Variants in GSG1L observed in about 807,000 individuals in gnomAD.
GSG1L encodes the protein GSG1 like.
In GSG1L, 24 loss-of-function variants were observed where a neutral mutation model predicts 42.1. That is an observed-to-expected ratio of 0.57 (90% CI 0.41 to 0.80). GSG1L has a LOEUF of 0.80. GSG1L is among the 30% of genes least tolerant of loss of function. The pLI, the probability that GSG1L is intolerant of heterozygous loss-of-function variation, is 0.00. For synonymous variants in GSG1L, 215 were observed against 203.5 expected (o/e 1.06, Z -0.48); for missense variants, 445 against 472.2 (o/e 0.94, Z 0.53).
intron 1 of GSG1L, among the ~76,000 whole-genome samples, chr16:28,039,603 G>GCA (rs34252812): frequency 0.27 from 41,089 of 150,876 alleles, 5,962 homozygotes; most frequent in South Asian, 0.49. Context: ...ACCCACACTT[G>GCA]CACACACACA....
Position 28,040,128 on chromosome 16 carries a change from C to T in GSG1L, c.349+22948G>A, listed in dbSNP as rs912302710. ...CCGTCACCCTTCTCCACACCCATCA[C>T]CATGGCCCTAGCTGCCATCGTCTCC... On this transcript the variant is annotated intron_variant, in intron 1 of 6. Coordinates refer to ENST00000447459, the MANE Select transcript of GSG1L (RefSeq NM_001109763.2). This position sits in a 1 kb window ranked among gnomAD's most constrained non-coding sequence, Gnocchi z 4.1. 2.0e-5 allele frequency among the ~76,000 whole-genome samples: 3 copies of T among 152,148 alleles called. No individual in the cohort carries two copies. Among genetic ancestry groups the T allele is most frequent in the African/African-American group, 7.2e-5 (3 of 41,402 alleles).
intron 2 of GSG1L, among the ~76,000 whole-genome samples, chr16:27,960,693 G>C (rs1345943746): frequency 2.0e-5 from 3 of 152,150 alleles, no homozygotes; most frequent in Non-Finnish European, 4.4e-5. Context: ...GTGTCTACTG[G>C]AAGGGCTGGG....
chr16:27,999,531 T>C (rs1596687671), intron 1 of GSG1L, among the ~76,000 whole-genome samples: 1 of 152,218 alleles, frequency 6.6e-6, no homozygotes, highest in African/African-American at 2.4e-5. Context: ...TGGCCCATCA[T>C]GGGAACTCTA....
chr16:27,791,476 A>G lies in GSG1L; in HGVS notation c.899-9T>C. 6.8e-7 allele frequency: 1 copy of G among 1,467,094 alleles called. No individual in the cohort carries two copies. The allele number at this position is 1,467,094 out of a possible 1,614,324, so 90.9% of individuals were successfully genotyped here. A position where few individuals can be genotyped will look rare whatever the true frequency, so the allele number is the denominator to read the frequency against. On this transcript the variant is annotated splice_polypyrimidine_tract_variant and intron_variant, in intron 6 of 6. Coordinates refer to ENST00000447459, the MANE Select transcript of GSG1L (RefSeq NM_001109763.2). ...CATGTGTGGCTGGTGTCCTGCCAGG[A>G]GACAAGGCGGTCAGTGCTGAAAGCC...
At chr16:27,893,456 C>T (rs2084152949) in intron 2 of GSG1L, among the ~76,000 whole-genome samples, 1 of 152,162 alleles carries the variant, frequency 6.6e-6, no homozygotes, top group Non-Finnish European at 1.5e-5. Context: ...TGACTTGTTG[C>T]ACGCAGTAAA....
intron 2 of GSG1L, among the ~76,000 whole-genome samples, chr16:27,960,132 G>T (rs1700517594): frequency 6.6e-6 from 1 of 152,104 alleles, no homozygotes; most frequent in Non-Finnish European, 1.5e-5. Flanking sequence ...TTGCCAGGTG[G>T]GAGGAGCTGG....
chr16:27,801,048 GAA>G (rs2082875703), intron 6 of GSG1L, among the ~76,000 whole-genome samples: 1 of 152,162 alleles, frequency 6.6e-6, no homozygotes, highest in African/African-American at 2.4e-5. Flanking sequence ...AAGATGAGAC[GAA>G]GTCAGCCACA....
chr16:27,956,394 A>G (rs1451225103), intron 2 of GSG1L, among the ~76,000 whole-genome samples: 1 of 152,248 alleles, frequency 6.6e-6, no homozygotes, highest in Non-Finnish European at 1.5e-5. Flanking sequence ...ACTCATGACC[A>G]GAAATCCAGC....
chr16:27,904,279 A>G lies in GSG1L; in HGVS notation c.398-19641T>C, dbSNP rs570598469. On this transcript the variant is annotated intron_variant, in intron 2 of 6. Coordinates refer to ENST00000447459, the MANE Select transcript of GSG1L (RefSeq NM_001109763.2). ...GAGATGGGGTTTGGCTATATTGTCC[A>G]AGCTGGTCTTAAACTCCTGAGGTCA... Among the ~76,000 whole-genome samples the G allele has an allele frequency of 4.6e-5, 7 of 151,992 alleles. No homozygotes were observed. The South Asian group carries it at 1.5e-3, about 32-fold the overall frequency.
chr16:27,835,170 A>G (rs932809088), intron 4 of GSG1L, among the ~76,000 whole-genome samples: 1 of 152,076 alleles, frequency 6.6e-6, no homozygotes, highest in African/African-American at 2.4e-5. Context: ...TTTTTCCTTT[A>G]CAGATTTTCA....
At position 27,918,650 on chromosome 16, in the gene GSG1L, C is replaced by T. The variant is rs920564898; in HGVS notation, c.398-34012G>A. Among the ~76,000 whole-genome samples, 7 of 140,740 alleles carry T rather than the reference C, an allele frequency of 5.0e-5. No individual in the cohort carries two copies. The East Asian group carries it at 6.3e-4, about 13-fold the overall frequency. 92.3% of individuals were successfully genotyped at this position (140,740 alleles called of 152,430 possible). ...CTCCAGCCTGGGCGACAGAGCAAGA[C>T]TCCATCTCAAAAAAAAGAAAAAAAA... is the stretch of plus-strand genomic sequence containing the variant. On this transcript the variant is annotated intron_variant, in intron 2 of 6. Transcript: ENST00000447459.
chr16:27,930,016 G>A (rs1427553490), intron 2 of GSG1L, among the ~76,000 whole-genome samples: 1 of 152,132 alleles, frequency 6.6e-6, no homozygotes, highest in Non-Finnish European at 1.5e-5. Context: ...TCCTGGGTGT[G>A]TGTATGAGAG....
rs571391081 is a variant in GSG1L, at chr16:27,849,405, T to C, written c.551-4344A>G. ...GATTCTTCTAAGAAAATCATTCTGA[T>C]TACTGTGTGGAGACAGTGATTGTAA... On this transcript the variant is annotated intron_variant, in intron 3 of 6. Transcript: ENST00000447459. 4.6e-5 allele frequency among the ~76,000 whole-genome samples: 7 copies of C among 152,264 alleles called. No homozygotes were observed. In the South Asian group the frequency reaches 1.5e-3, roughly 32 times the overall value.
chr16:27,908,269 G>A (rs2084342802), intron 2 of GSG1L, among the ~76,000 whole-genome samples: 2 of 152,232 alleles, frequency 1.3e-5, no homozygotes, highest in South Asian at 4.1e-4. Context: ...TCTGTGCCTA[G>A]ACATAAAGCA....
chr16:27,849,750 G>A (rs2083486491), intron 3 of GSG1L, among the ~76,000 whole-genome samples: 1 of 151,980 alleles, frequency 6.6e-6, no homozygotes, highest in Non-Finnish European at 1.5e-5. Flanking sequence ...GTCCAGGCTG[G>A]TCCCAAACTC....
At chr16:27,852,083 T>C (rs1016279200) in intron 3 of GSG1L, among the ~76,000 whole-genome samples, 2 of 152,162 alleles carry the variant, frequency 1.3e-5, no homozygotes, top group Non-Finnish European at 2.9e-5. Flanking sequence ...ACCAGGGAGG[T>C]AGCTGATTAA....
chr16:27,870,239 ATCTC>A (rs1458366611), intron 3 of GSG1L, among the ~76,000 whole-genome samples: 2 of 72,930 alleles, frequency 2.7e-5, no homozygotes, highest in Non-Finnish European at 5.6e-5. Flanking sequence ...GTCTCTCTCC[ATCTC>A]TCTCTGTCTC....
intron 1 of GSG1L, among the ~76,000 whole-genome samples, chr16:27,983,972 A>G (rs1331498754): frequency 6.6e-6 from 1 of 152,196 alleles, no homozygotes; most frequent in Non-Finnish European, 1.5e-5. Flanking sequence ...CCCCTGATAG[A>G]GAAACAATGC....
rs539250938 is a variant in GSG1L at position 27,858,894 on chromosome 16, C to G, written c.551-13833G>C. Among the ~76,000 whole-genome samples the G allele has an allele frequency of 2.6e-5, 4 of 152,164 alleles. No homozygotes were observed. In the South Asian group the frequency reaches 8.3e-4, roughly 32 times the overall value. Reference sequence around the variant, plus strand: ...ATAATGATTGAGTCAGTTAGTTTAGCCAAGGAAGTCAGGGTAGGCCTCCCT... The same window carrying G: ...ATAATGATTGAGTCAGTTAGTTTAGGCAAGGAAGTCAGGGTAGGCCTCCCT... On this transcript the variant is annotated intron_variant, in intron 3 of 6. Coordinates refer to ENST00000447459, the MANE Select transcript of GSG1L (RefSeq NM_001109763.2).
Sources: gnomAD v4.1 joint callset for allele counts (sites outside exome capture counted in the v4.1 genomes callset) on GRCh38, gnomAD v4.1.1 for gene constraint, Gnocchi (gnomAD v3.1) non-coding constraint, MANE v1.5 for transcripts, NCBI Gene and HGNC (gene_info 2026-07-23, HGNC 2026-07-21) for gene names.